EFCAB5: variants seen among roughly 807,000 people sequenced by gnomAD.
EFCAB5 encodes EF-hand calcium-binding domain-containing protein 5.
EFCAB5 carries 131 observed loss-of-function variants against 167.9 expected under a neutral mutation model. The ratio of observed to expected loss-of-function variants is 0.78; its 90% CI spans 0.68 to 0.90. EFCAB5 has a LOEUF of 0.90. Among genes scored for constraint, EFCAB5 ranks in the 40% least tolerant of loss-of-function variants. EFCAB5 has a pLI of 0.00. For synonymous variants in EFCAB5, 574 were observed against 602.8 expected (o/e 0.95, Z 0.70); for missense variants, 1,663 against 1,745.2 (o/e 0.95, Z 0.84).
chr17:30,093,762 C>G (rs1414151636), intron 22 of EFCAB5, among the ~76,000 whole-genome samples: 1 of 152,144 alleles, frequency 6.6e-6, no homozygotes, highest in Non-Finnish European at 1.5e-5. Context: ...ATAGGCTCCC[C>G]AATCACCACC....
chr17:29,932,391 T>A (rs1488348536), intron 1 of EFCAB5, among the ~76,000 whole-genome samples: 1 of 150,556 alleles, frequency 6.6e-6, no homozygotes, highest in African/African-American at 2.4e-5. Flanking sequence ...CCTCAAGTGA[T>A]CTGCCCACCT....
rs531294661 is a variant in EFCAB5 at position 29,963,497 on chromosome 17, T to C, written c.191-5294T>C. Among the ~76,000 whole-genome samples, 2 of 152,328 alleles carry C rather than the reference T, an allele frequency of 1.3e-5. 1 individual carries two copies. The highest frequency in any genetic ancestry group is 1.3e-4 in the Admixed American group (2 of 15,300). On this transcript the variant is annotated intron_variant, in intron 3 of 22. Transcript: ENST00000394835. ...TTTGCATCTATATTCATAAGGAATATTGGCCTATAATTTTACTGTGATATC... is the reference window on the plus strand; with the variant it reads ...TTTGCATCTATATTCATAAGGAATACTGGCCTATAATTTTACTGTGATATC...
At chr17:30,079,076 A>G (rs933038012) in intron 15 of EFCAB5, among the ~76,000 whole-genome samples, 2 of 152,246 alleles carry the variant, frequency 1.3e-5, no homozygotes, top group Non-Finnish European at 2.9e-5. Flanking sequence ...ATTCACAGGC[A>G]GAAACAGCAC....
At chr17:30,079,809 A>C (rs1427175118) in intron 15 of EFCAB5, among the ~76,000 whole-genome samples, 1 of 152,178 alleles carries the variant, frequency 6.6e-6, no homozygotes, top group Non-Finnish European at 1.5e-5. Flanking sequence ...TAGACTTGAG[A>C]GTTTTTTGGT....
Position 30,107,833 on chromosome 17 carries a change from G to A in EFCAB5, c.4322-1G>A, listed in dbSNP as rs2071469180. ...ACTTTTCTTTTTTTTTCCTGATGCA[G>A]ATCATTCCCGAACTGAAGTATGGAA... On this transcript the variant is annotated splice_acceptor_variant, in intron 22 of 22. Coordinates refer to ENST00000394835, the MANE Select transcript of EFCAB5 (RefSeq NM_198529.4). LOFTEE classifies it high-confidence loss of function. 1.9e-6 allele frequency: 3 copies of A among 1,545,556 alleles called. No individual in the cohort carries two copies. The South Asian group carries it at 3.8e-5, about 19-fold the overall frequency.
chr17:29,985,698 T>C (rs999876734), intron 4 of EFCAB5, among the ~76,000 whole-genome samples: 1 of 152,214 alleles, frequency 6.6e-6, no homozygotes, highest in African/African-American at 2.4e-5. Flanking sequence ...ATGCTATTGT[T>C]TGTGGCTTAG....
intron 7 of EFCAB5, among the ~76,000 whole-genome samples, chr17:30,031,250 C>T (rs567123088): frequency 6.6e-6 from 1 of 152,146 alleles, no homozygotes; most frequent in Non-Finnish European, 1.5e-5. Context: ...ACCAGGGAGG[C>T]TTGTTAAACT....
intron 22 of EFCAB5, among the ~76,000 whole-genome samples, chr17:30,105,166 A>G (rs1237432835): frequency 1.3e-5 from 2 of 152,160 alleles, no homozygotes; most frequent in African/African-American, 2.4e-5. Flanking sequence ...TGTATCATTT[A>G]CCTTGCAGGG....
intron 22 of EFCAB5, among the ~76,000 whole-genome samples, chr17:30,102,239 G>T (rs974392921): frequency 5.3e-5 from 8 of 152,214 alleles, no homozygotes; most frequent in African/African-American, 1.9e-4. Context: ...GAAGCTGAAA[G>T]CAGAGTCATC....
chr17:30,023,207 A>C (rs1312319908), intron 7 of EFCAB5, among the ~76,000 whole-genome samples: 4 of 152,002 alleles, frequency 2.6e-5, no homozygotes, highest in East Asian at 1.9e-4. Context: ...AAATAGAGAC[A>C]AAAAAAACCC....
chr17:30,090,684 A>G lies in EFCAB5; in HGVS notation c.3937+10A>G, dbSNP rs767882760. 5.0e-6 allele frequency: 8 copies of G among 1,605,000 alleles called. No homozygotes were observed. Among genetic ancestry groups the G allele is most frequent in the Non-Finnish European group, 6.8e-6 (8 of 1,176,412 alleles). On this transcript the variant is annotated intron_variant, in intron 20 of 22. Coordinates refer to ENST00000394835, the MANE Select transcript of EFCAB5 (RefSeq NM_198529.4). ...AAAAAATATATCTTAGGTATCGTTC[A>G]TGTGGCATCAGTCTAAATTCACAGG...
At chr17:29,966,791 A>G (rs1042574166) in intron 3 of EFCAB5, among the ~76,000 whole-genome samples, 1 of 152,030 alleles carries the variant, frequency 6.6e-6, no homozygotes, top group Non-Finnish European at 1.5e-5. Context: ...TACATAAATT[A>G]TTTGGACTAT....
At chr17:30,028,357 A>G (rs2069387577) in intron 7 of EFCAB5, among the ~76,000 whole-genome samples, 1 of 152,134 alleles carries the variant, frequency 6.6e-6, no homozygotes, top group Non-Finnish European at 1.5e-5. Flanking sequence ...ATGGCTTTCT[A>G]TTCTGTCTCT....
chr17:29,937,434 G>A (rs1000297350), upstream of EFCAB5, among the ~76,000 whole-genome samples: 5 of 151,962 alleles, frequency 3.3e-5, no homozygotes, highest in East Asian at 1.9e-4. Flanking sequence ...TGATCCACCC[G>A]CCTCAGCCTC....
At chr17:29,939,406 C>T (rs1036085633), upstream of EFCAB5, among the ~76,000 whole-genome samples, 1 of 152,086 alleles carries the variant, frequency 6.6e-6, no homozygotes, top group Admixed American at 6.6e-5. Flanking sequence ...TTAAAGTCAC[C>T]AGCTGCATTA....
chr17:30,039,784 G>A (rs753931474), intron 8 of EFCAB5, among the ~76,000 whole-genome samples: 1 of 152,156 alleles, frequency 6.6e-6, no homozygotes, highest in African/African-American at 2.4e-5. Flanking sequence ...ACTTTAGAGC[G>A]TTTCTATGGT....
chr17:30,076,527 C>T (rs905267100), intron 14 of EFCAB5, among the ~76,000 whole-genome samples: 1 of 152,214 alleles, frequency 6.6e-6, no homozygotes, highest in African/African-American at 2.4e-5. Context: ...GAAACTCACA[C>T]ATGATGTGAT....
intron 7 of EFCAB5, among the ~76,000 whole-genome samples, chr17:30,027,293 C>CTTTTTTT (rs906468665): frequency 1.5e-5 from 1 of 67,366 alleles, no homozygotes; most frequent in Non-Finnish European, 3.0e-5. Context: ...CCACACCAGT[C>CTTTTTTT]TTTTTTTTTT....
Position 29,934,129 on chromosome 17 carries a change from T to C in EFCAB5, c.-127+4800T>C, listed in dbSNP as rs367821786. Among the ~76,000 whole-genome samples the C allele has an allele frequency of 7.9e-5, 12 of 152,326 alleles. No individual in the cohort carries two copies. In the East Asian group the frequency reaches 1.3e-3, roughly 17 times the overall value. On this transcript the variant is annotated intron_variant, in intron 1 of 3. Coordinates refer to the EFCAB5 transcript ENST00000448319. ...TAAACATAACATTTTTTATACAGGA[T>C]TTTATGATTGAAATGACGGCTTGCA...
Sources: allele counts gnomAD v4.1 joint callset (sites outside exome capture counted in the v4.1 genomes callset), GRCh38; gene constraint gnomAD v4.1.1; transcripts MANE v1.5; gene names NCBI Gene and HGNC (gene_info 2026-07-23, HGNC 2026-07-21).